ZNF536: variants seen among roughly 807,000 people sequenced by gnomAD.
ZNF536 encodes zinc finger protein 536.
A neutral mutation model predicts 84.5 loss-of-function variants in ZNF536; 13 were observed. The ratio of observed to expected loss-of-function variants is 0.15; its 90% CI spans 0.10 to 0.24. The LOEUF (loss-of-function observed/expected upper bound fraction) is 0.24. Ranked by LOEUF, ZNF536 falls within the 10% of genes least tolerant of loss-of-function variation. The pLI is 1.00. For synonymous variants in ZNF536, 811 were observed against 742.5 expected, an observed-to-expected ratio of 1.09 and a Z score of -1.50; for missense variants, 1,536 against 1,747.5, an observed-to-expected ratio of 0.88 and a Z score of 2.16.
chr19:30,684,545 A>C (rs912120454), intron 1 of ZNF536, among the ~76,000 whole-genome samples: 5 of 152,194 alleles, frequency 3.3e-5, no homozygotes, highest in African/African-American at 1.2e-4. Flanking sequence ...GAAAACTCTT[A>C]GTTCTCATTT....
intron 1 of ZNF536, among the ~76,000 whole-genome samples, chr19:30,646,402 G>A (rs12972497): frequency 0.44 from 66,896 of 152,168 alleles, 15,555 homozygotes; most frequent in Admixed American, 0.54. Context: ...GAGCACGAAT[G>A]TGCACAATGT....
chr19:30,237,506 T>C (rs1395438606), intron 1 of ZNF536, among the ~76,000 whole-genome samples: 3 of 152,166 alleles, frequency 2.0e-5, no homozygotes, highest in Admixed American at 2.0e-4. Context: ...ATCACTGATC[T>C]TCATCTCAAA....
chr19:30,357,656 G>T (rs1024191295), intron 3 of ZNF536, among the ~76,000 whole-genome samples: 2 of 152,184 alleles, frequency 1.3e-5, no homozygotes, highest in African/African-American at 4.8e-5. Context: ...ATGGACAGCA[G>T]CACTGGGGAT....
rs1291385328 is a variant in ZNF536 at position 30,657,999 on chromosome 19, C to T, written c.170-52758C>T. Reference sequence around the variant, plus strand: ...AGACCATATATCCTCTTGTTTAATACCCTTCAATGGCTTTCCATTCCCCCC... The same window carrying T: ...AGACCATATATCCTCTTGTTTAATATCCTTCAATGGCTTTCCATTCCCCCC... On this transcript the variant is annotated intron_variant, in intron 1 of 1. Coordinates refer to the ZNF536 transcript ENST00000592773. Among the ~76,000 whole-genome samples, 3 of 142,020 alleles carry T rather than the reference C, an allele frequency of 2.1e-5. No homozygotes were observed. The East Asian group carries it at 6.4e-4, about 30-fold the overall frequency. The allele number at this position is 142,020 out of a possible 152,430, so 93.2% of individuals were successfully genotyped here.
At chr19:30,534,059 C>T (rs1015915023) in intron 2 of ZNF536, among the ~76,000 whole-genome samples, 9 of 152,162 alleles carry the variant, frequency 5.9e-5, no homozygotes, top group South Asian at 2.1e-4. Context: ...AATTTTATTC[C>T]GTTTTCTAAT....
At chr19:30,509,199 G>C (rs2055303971) in intron 2 of ZNF536, among the ~76,000 whole-genome samples, 1 of 146,832 alleles carries the variant, frequency 6.8e-6, no homozygotes, top group South Asian at 2.1e-4. Flanking sequence ...AAGAAGGCCA[G>C]AGGGACAAAA....
chr19:30,712,789 G>T (rs529590398), exon 2 of ZNF536: 2 of 152,160 alleles, frequency 1.3e-5, no homozygotes, highest in Non-Finnish European at 2.9e-5. Flanking sequence ...TGATCCTAGA[G>T]AAAGGACTGA....
At chr19:30,665,936 G>C (rs1461251348) in intron 1 of ZNF536, among the ~76,000 whole-genome samples, 1 of 152,140 alleles carries the variant, frequency 6.6e-6, no homozygotes, top group Non-Finnish European at 1.5e-5. Flanking sequence ...GGTGATTCCT[G>C]GTGTGTCTGG....
chr19:30,332,908 C>G (rs925385774), intron 2 of ZNF536, among the ~76,000 whole-genome samples: 7 of 152,176 alleles, frequency 4.6e-5, no homozygotes, highest in Non-Finnish European at 7.3e-5. Context: ...TGGTGAAACC[C>G]ATGTCTCTAC....
At chr19:30,240,194 C>T (rs1386157216) in intron 1 of ZNF536, among the ~76,000 whole-genome samples, 1 of 151,982 alleles carries the variant, frequency 6.6e-6, no homozygotes, top group East Asian at 1.9e-4. Context: ...CATGATGAAA[C>T]CCCATCTGTA....
intron 1 of ZNF536, among the ~76,000 whole-genome samples, chr19:30,263,744 G>A (rs2025347412): frequency 6.6e-6 from 1 of 151,812 alleles, no homozygotes; most frequent in Non-Finnish European, 1.5e-5. Flanking sequence ...TACATTTATG[G>A]GTTAAAATCA....
intron 1 of ZNF536, among the ~76,000 whole-genome samples, chr19:30,563,937 T>C (rs762105311): frequency 1.3e-5 from 2 of 152,112 alleles, no homozygotes; most frequent in Non-Finnish European, 2.9e-5. Flanking sequence ...TCCCACTATG[T>C]CAAGGTGTCT....
chr19:30,333,109 T>C (rs560831049), intron 2 of ZNF536, among the ~76,000 whole-genome samples: 4 of 152,070 alleles, frequency 2.6e-5, no homozygotes, highest in African/African-American at 9.6e-5. Flanking sequence ...GCAGATCACG[T>C]CACTGCACTC....
chr19:30,295,090 C>T (rs1472176074), intron 2 of ZNF536, among the ~76,000 whole-genome samples: 3 of 152,156 alleles, frequency 2.0e-5, no homozygotes, highest in Non-Finnish European at 4.4e-5. Flanking sequence ...GTCTTGGTAG[C>T]ATGCAGATTC....
intron 1 of ZNF536, among the ~76,000 whole-genome samples, chr19:30,258,172 A>G (rs2025008463): frequency 6.6e-6 from 1 of 152,194 alleles, no homozygotes; most frequent in Non-Finnish European, 1.5e-5. Context: ...TTGGCCATGG[A>G]GACGTCATTG....
At chr19:30,315,959 G>A (rs531938742) in intron 2 of ZNF536, among the ~76,000 whole-genome samples, 3 of 152,238 alleles carry the variant, frequency 2.0e-5, no homozygotes, top group East Asian at 3.9e-4. Flanking sequence ...CATAGGAGGT[G>A]CACACATTTT....
intron 1 of ZNF536, among the ~76,000 whole-genome samples, chr19:30,404,039 T>C (rs1421850300): frequency 4.3e-5 from 6 of 138,208 alleles, no homozygotes; most frequent in South Asian, 2.3e-4. Context: ...TTTTTTTTTT[T>C]CTGCTGTTCA....
At chr19:30,443,413 T>C (rs886788086) in intron 1 of ZNF536, 148 bp from the exon 2 acceptor site, 104 of 1,260,384 alleles carry the variant, frequency 8.3e-5, no homozygotes, top group Admixed American at 1.7e-4. Flanking sequence ...TAATAATTCA[T>C]TTTTTTATTA....
chr19:30,660,447 T>A (rs1014626694), intron 1 of ZNF536, among the ~76,000 whole-genome samples: 3 of 152,214 alleles, frequency 2.0e-5, no homozygotes, highest in African/African-American at 7.2e-5. Flanking sequence ...GAAATAAAAA[T>A]ATATGTATCA....
Sources: gnomAD v4.1 joint callset for allele counts (sites outside exome capture counted in the v4.1 genomes callset) on GRCh38, gnomAD v4.1.1 for gene constraint, MANE v1.5 for transcripts, NCBI Gene and HGNC (gene_info 2026-07-23, HGNC 2026-07-21) for gene names.